RMP24: variants seen among roughly 807,000 people sequenced by gnomAD.
The protein encoded by RMP24 is ribonuclease MRP protein subunit p24.
the RMP24 span, chr18:35,973,819 G>A: frequency 1.3e-5 from 2 of 152,288 alleles, no homozygotes; most frequent in Non-Finnish European, 2.9e-5. Context: ...CTACTCGAGA[G>A]GGTGAGGCAT....
the RMP24 span, chr18:35,977,450 A>T: frequency 6.2e-7 from 1 of 1,613,938 alleles, no homozygotes; most frequent in Non-Finnish European, 8.5e-7. Context: ...GTGAAACATC[A>T]TGGTAAAAGT....
the RMP24 span, among the ~76,000 whole-genome samples, chr18:35,974,265 C>T: frequency 6.6e-6 from 1 of 152,172 alleles, no homozygotes; most frequent in African/African-American, 2.4e-5. Flanking sequence ...TTTTTATTCC[C>T]AGCACTTAAC....
the RMP24 span, chr18:35,972,965 T>G: frequency 8.1e-6 from 13 of 1,606,086 alleles, no homozygotes; most frequent in Middle Eastern, 1.7e-4. Flanking sequence ...TTTCCTCTGT[T>G]CCGCACAACG....
the RMP24 span, chr18:35,974,776 G>A: frequency 1.1e-6 from 1 of 900,736 alleles, no homozygotes; most frequent in Non-Finnish European, 1.7e-6. Context: ...CATATTTTGA[G>A]TTTACTTAAT....
the RMP24 span, chr18:35,977,313 T>C: frequency 9.0e-7 from 1 of 1,114,946 alleles, no homozygotes; most frequent in African/African-American, 1.6e-5. Flanking sequence ...TAGTATCTGG[T>C]GTAGTCCCTG....
the RMP24 span, among the ~76,000 whole-genome samples, chr18:35,974,205 A>C: frequency 6.6e-6 from 1 of 152,172 alleles, no homozygotes; most frequent in South Asian, 2.1e-4. Context: ...CCACCTATTT[A>C]AAATTACAGT....
chr18:35,974,267 G>C, the RMP24 span, among the ~76,000 whole-genome samples: 1 of 152,040 alleles, frequency 6.6e-6, no homozygotes, highest in Non-Finnish European at 1.5e-5. Flanking sequence ...TTTATTCCCA[G>C]CACTTAACAT....
the RMP24 span, chr18:35,977,287 A>G: frequency 1.4e-5 from 12 of 831,422 alleles, no homozygotes; most frequent in East Asian, 5.5e-5. Context: ...GACAGCCTCT[A>G]TTTTACTTAC....
the RMP24 span, among the ~76,000 whole-genome samples, chr18:35,976,266 C>T: frequency 6.6e-6 from 1 of 150,484 alleles, no homozygotes; most frequent in African/African-American, 2.4e-5. Flanking sequence ...TCTCCTGCCT[C>T]AGCCTCCTGA....
the RMP24 span, among the ~76,000 whole-genome samples, chr18:35,976,392 A>G: frequency 3.9e-5 from 6 of 152,160 alleles, no homozygotes; most frequent in African/African-American, 1.2e-4. Context: ...CAGATCTTCC[A>G]TTGGCATTTT....
the RMP24 span, among the ~76,000 whole-genome samples, chr18:35,975,409 C>T: frequency 1.3e-5 from 2 of 152,154 alleles, no homozygotes; most frequent in African/African-American, 4.8e-5. Flanking sequence ...ATTGCAGTTA[C>T]CACTACATTA....
the RMP24 span, chr18:35,972,716 A>C: frequency 6.2e-7 from 1 of 1,602,500 alleles, no homozygotes; most frequent in African/African-American, 1.3e-5. Context: ...AGCCAGCGGC[A>C]GCGGCGGCGG....
At chr18:35,975,040 T>C in the RMP24 span, 1 of 1,614,042 alleles carries the variant, frequency 6.2e-7, no homozygotes, top group Non-Finnish European at 8.5e-7. Context: ...AACTATACAC[T>C]CAGTTTTAAA....
chr18:35,976,125 ATTTG>A, the RMP24 span, among the ~76,000 whole-genome samples: 1 of 107,890 alleles, frequency 9.3e-6, no homozygotes, highest in Non-Finnish European at 2.0e-5. Context: ...TGCTAGAGGT[ATTTG>A]TTTTTCTGAT....
the RMP24 span, chr18:35,977,752 C>G: frequency 1.4e-6 from 1 of 706,898 alleles, no homozygotes; most frequent in East Asian, 2.7e-5. Context: ...ACTCCCATAT[C>G]TTCAATGCTC....
the RMP24 span, chr18:35,974,824 T>C: frequency 7.6e-7 from 1 of 1,321,948 alleles, no homozygotes; most frequent in Non-Finnish European, 1.1e-6. Flanking sequence ...ATACTTTTTA[T>C]AAATGTTGAC....
chr18:35,975,055 C>G, the RMP24 span: 4 of 1,613,494 alleles, frequency 2.5e-6, no homozygotes, highest in Non-Finnish European at 3.4e-6. Context: ...TTTAAAGAAG[C>G]AAAAATGGTG....
At chr18:35,972,798 T>C in the RMP24 span, 2 of 1,614,042 alleles carry the variant, frequency 1.2e-6, no homozygotes, top group Admixed American at 1.7e-5. Flanking sequence ...CCAAGCCCGC[T>C]ACCTCCTGTA....
At chr18:35,974,959 C>CT in the RMP24 span, 1 of 1,614,138 alleles carries the variant, frequency 6.2e-7, no homozygotes, top group Non-Finnish European at 8.5e-7. Context: ...CTGGATAACT[C>CT]TCGAGTGCGT....
Sources: gnomAD v4.1 joint callset for allele counts (sites outside exome capture counted in the v4.1 genomes callset) on GRCh38, gnomAD v4.1.1 for gene constraint, MANE v1.5 for transcripts, NCBI Gene and HGNC (gene_info 2026-07-23, HGNC 2026-07-21) for gene names.